Variants in UTRN observed in about 807,000 individuals in gnomAD.
UTRN encodes the protein utrophin, also known as dystrophin-related protein 1.
A neutral mutation model predicts 463.9 loss-of-function variants in UTRN; 283 were observed. The observed-to-expected ratio is 0.61, with a 90% CI of 0.55 to 0.67. The LOEUF is 0.67. Among genes scored for constraint, UTRN ranks in the 30% least tolerant of loss-of-function variants. The probability of loss-of-function intolerance (pLI) is 0.00; values close to 1 mark genes in which losing one functional copy is unlikely to be tolerated. For synonymous variants in UTRN, 1,442 were observed against 1,431.5 expected (o/e 1.01, Z -0.17); for missense variants, 3,922 against 4,084.3 (o/e 0.96, Z 1.08).
intron 21 of UTRN, among the ~76,000 whole-genome samples, chr6:144,459,598 ATT>A (rs890055665): frequency 6.8e-6 from 1 of 148,098 alleles, no homozygotes; most frequent in Non-Finnish European, 1.5e-5. Flanking sequence ...TATAATAATA[ATT>A]TTTTTTTTTG....
At chr6:144,596,740 ACT>A (rs1242761248) in intron 51 of UTRN, among the ~76,000 whole-genome samples, 1 of 151,992 alleles carries the variant, frequency 6.6e-6, no homozygotes, top group Admixed American at 6.6e-5. Flanking sequence ...TATTTATTTT[ACT>A]CTTTTTTCAA....
At chr6:144,393,484 T>G (rs898326988) in intron 2 of UTRN, among the ~76,000 whole-genome samples, 2 of 152,120 alleles carry the variant, frequency 1.3e-5, no homozygotes, top group Admixed American at 6.5e-5. Flanking sequence ...TAGGAAGTTT[T>G]AAGAAGAAAA....
intron 51 of UTRN, among the ~76,000 whole-genome samples, chr6:144,614,370 A>G (rs1391108801): frequency 6.6e-6 from 1 of 152,128 alleles, no homozygotes. Context: ...ATAGGAAAAA[A>G]TACAGGAGTC....
chr6:144,372,094 C>T (rs1303591619), intron 2 of UTRN, among the ~76,000 whole-genome samples: 1 of 152,264 alleles, frequency 6.6e-6, no homozygotes, highest in Non-Finnish European at 1.5e-5. Context: ...AGCCACTCTT[C>T]CTCCTCAAGT....
Position 144,658,801 on chromosome 6 carries a change from A to G in UTRN, c.7480-19605A>G, listed in dbSNP as rs112693423. Among the ~76,000 whole-genome samples, 1,296 of 152,338 alleles carry G rather than the reference A, an allele frequency of 8.5e-3. 21 individuals are homozygous for G. Among genetic ancestry groups the G allele is most frequent in the African/African-American group, 0.029 (1,225 of 41,566 alleles). On this transcript the variant is annotated intron_variant, in intron 51 of 74. Coordinates refer to ENST00000367545, the MANE Select transcript of UTRN (RefSeq NM_007124.3). ...CATAATATCACTACAAAGAATTTAT[A>G]ATTTGGATTGGAGTTTTTTTCTTTA...
intron 32 of UTRN, among the ~76,000 whole-genome samples, chr6:144,491,394 C>T (rs1052756544): frequency 1.3e-5 from 2 of 152,144 alleles, no homozygotes; most frequent in African/African-American, 4.8e-5. Context: ...GTTAGGAGGG[C>T]TTCAGCAGAG....
intron 51 of UTRN, among the ~76,000 whole-genome samples, chr6:144,625,947 G>A (rs901173115): frequency 6.6e-6 from 1 of 152,122 alleles, no homozygotes; most frequent in African/African-American, 2.4e-5. Context: ...AAAAAAATCA[G>A]TTTCTGGCTG....
chr6:144,330,547 A>G (rs573864678), intron 2 of UTRN, among the ~76,000 whole-genome samples: 2 of 152,314 alleles, frequency 1.3e-5, no homozygotes, highest in South Asian at 2.1e-4. Flanking sequence ...TCAGATTTCT[A>G]TTTGGCTTGA....
intron 53 of UTRN, among the ~76,000 whole-genome samples, chr6:144,711,355 A>G (rs562949548): frequency 6.6e-6 from 1 of 152,216 alleles, no homozygotes; most frequent in East Asian, 1.9e-4. Context: ...GCAGCTTACT[A>G]ATAAATAATA....
intron 43 of UTRN, among the ~76,000 whole-genome samples, chr6:144,536,928 GT>G (rs1299196471): frequency 1.3e-5 from 2 of 151,850 alleles, no homozygotes; most frequent in African/African-American, 4.8e-5. Flanking sequence ...TCATTTGACT[GT>G]TTTCCTTGCA....
chr6:144,451,854 G>T (rs546511103), intron 18 of UTRN, among the ~76,000 whole-genome samples: 86 of 151,938 alleles, frequency 5.7e-4, no homozygotes, highest in African/African-American at 1.8e-3. Flanking sequence ...TTTTGCCTTC[G>T]GAATACAACA....
At chr6:144,687,663 T>A (rs1782903464) in intron 52 of UTRN, among the ~76,000 whole-genome samples, 1 of 152,154 alleles carries the variant, frequency 6.6e-6, no homozygotes, top group Non-Finnish European at 1.5e-5. Flanking sequence ...GGATCCAAAT[T>A]CCTGTTAGCT....
At chr6:144,385,552 T>C (rs1053301907) in intron 2 of UTRN, among the ~76,000 whole-genome samples, 7 of 152,160 alleles carry the variant, frequency 4.6e-5, no homozygotes, top group African/African-American at 1.7e-4. Flanking sequence ...TCAAGACAAA[T>C]GAGAGGAAGA....
chr6:144,799,014 A>G (rs1233911865), intron 64 of UTRN, among the ~76,000 whole-genome samples: 1 of 152,252 alleles, frequency 6.6e-6, no homozygotes, highest in East Asian at 1.9e-4. Flanking sequence ...TGCTGGGATT[A>G]CAGGCGTGAG....
intron 18 of UTRN, 81 bp from the exon 19 acceptor site, chr6:144,453,701 A>G: frequency 8.3e-7 from 1 of 1,197,666 alleles, no homozygotes; most frequent in South Asian, 1.6e-5. Flanking sequence ...TAGGAGGGCC[A>G]TTCAACTTAA....
At chr6:144,451,314 C>G (rs1788280607) in intron 17 of UTRN, 56 bp from the exon 18 acceptor site, 1 of 1,564,578 alleles carries the variant, frequency 6.4e-7, no homozygotes. Flanking sequence ...TTTCTGGAGT[C>G]AAGTAAAACA....
chr6:144,435,429 G>A (rs1786445908), intron 9 of UTRN, among the ~76,000 whole-genome samples: 1 of 152,178 alleles, frequency 6.6e-6, no homozygotes. Flanking sequence ...CTGTGTGGCT[G>A]TCTTTTAGTG....
intron 51 of UTRN, among the ~76,000 whole-genome samples, chr6:144,608,040 G>A (rs1489890310): frequency 6.6e-6 from 1 of 152,110 alleles, no homozygotes; most frequent in Admixed American, 6.5e-5. Context: ...TTAATTTTGT[G>A]TGTTAACTTG....
intron 52 of UTRN, among the ~76,000 whole-genome samples, chr6:144,684,854 C>T (rs572802639): frequency 1.3e-5 from 2 of 152,032 alleles, no homozygotes; most frequent in East Asian, 3.9e-4. Flanking sequence ...TTATTTTTTA[C>T]TTATTTATTT....
Sources: allele counts gnomAD v4.1 joint callset (sites outside exome capture counted in the v4.1 genomes callset), GRCh38; gene constraint gnomAD v4.1.1; transcripts MANE v1.5; gene names NCBI Gene and HGNC (gene_info 2026-07-23, HGNC 2026-07-21).